Variants in ARL13B observed in about 807,000 individuals in gnomAD.
The protein encoded by ARL13B is ADP-ribosylation factor-like protein 13B.
Under a neutral mutation model 56.1 loss-of-function variants are expected in ARL13B, and 36 were observed. The ratio of observed to expected loss-of-function variants is 0.64; its 90% confidence interval spans 0.49 to 0.85. ARL13B has a LOEUF of 0.85. Among genes scored for constraint, ARL13B ranks in the 40% least tolerant of loss-of-function variants. The pLI is 0.00. For missense variants in ARL13B, 519 were observed against 507.1 expected (o/e 1.02, Z -0.23); for synonymous variants, 178 against 171.1 (o/e 1.04, Z -0.32).
At chr3:94,004,746 C>T (rs2076105808) in intron 3 of ARL13B, among the ~76,000 whole-genome samples, 1 of 151,540 alleles carries the variant, frequency 6.6e-6, no homozygotes, top group African/African-American at 2.4e-5. Flanking sequence ...GCTCTGATTG[C>T]AAAAGTTAAA....
At chr3:94,015,210 GTC>G in intron 3 of ARL13B, 1 of 1,597,046 alleles carries the variant, frequency 6.3e-7, no homozygotes, top group Non-Finnish European at 8.5e-7. Context: ...ATACATGACT[GTC>G]TCTAGAGAGT....
chr3:94,016,178 T>A (rs945948169), intron 3 of ARL13B, among the ~76,000 whole-genome samples: 1 of 152,150 alleles, frequency 6.6e-6, no homozygotes, highest in African/African-American at 2.4e-5. Flanking sequence ...AGTAAAATGC[T>A]ATTATCACAG....
Position 94,043,231 on chromosome 3 carries a change from T to A in ARL13B, c.1015T>A (p.Leu339Met). 6.2e-7 allele frequency: 1 copy of A among 1,612,614 alleles called. No individual in the cohort carries two copies. Among genetic ancestry groups the A allele is most frequent in the South Asian group, 1.1e-5 (1 of 90,912 alleles). Residue 339 changes from leucine (L) to methionine (M), a missense_variant, in exon 7 of 10, where the codon TTG (leucine) becomes ATG (methionine). By Grantham distance (15) the Leu-to-Met change is conservative (BLOSUM62 2). Transcript: ENST00000394222. ...KNEDETDRPS[L>M]ESANGKKKTK... ...TGAAGATGAGACAGACCGGCCATCA[T>A]TGGAATCAGGTAATAAATCTAGTTA...
At chr3:93,998,813 T>G (rs2076007229) in intron 2 of ARL13B, among the ~76,000 whole-genome samples, 1 of 152,162 alleles carries the variant, frequency 6.6e-6, no homozygotes, top group South Asian at 2.1e-4. Context: ...GGCATTTTGC[T>G]TATTTTGGTG....
chr3:94,021,154 TTG>T (rs1167260273), intron 3 of ARL13B, among the ~76,000 whole-genome samples: 1 of 150,436 alleles, frequency 6.6e-6, no homozygotes, highest in Non-Finnish European at 1.5e-5. Flanking sequence ...TGTTAAAAAG[TTG>T]TTTTTGTCTT....
At chr3:93,993,457 G>A (rs1359583162) in intron 1 of ARL13B, among the ~76,000 whole-genome samples, 2 of 152,124 alleles carry the variant, frequency 1.3e-5, no homozygotes, top group Admixed American at 1.3e-4. Context: ...GTCTTACTGT[G>A]TTGCCCAGGC....
At chr3:94,000,773 T>C (rs562607231) in intron 2 of ARL13B, among the ~76,000 whole-genome samples, 4 of 152,276 alleles carry the variant, frequency 2.6e-5, no homozygotes, top group African/African-American at 7.2e-5. Context: ...TTATTGATTG[T>C]ATATTTGCAT....
chr3:93,980,218 T>A lies in ARL13B; in HGVS notation c.-206T>A. Reference sequence around the variant, plus strand: ...GTATCTGCGTCTTTGGTCAGGTTGTTCCTTGGCTAAGAGGGCAGTCGTCGC... The same window carrying A: ...GTATCTGCGTCTTTGGTCAGGTTGTACCTTGGCTAAGAGGGCAGTCGTCGC... On this transcript the variant is annotated 5_prime_UTR_variant, in exon 1 of 10. Coordinates refer to ENST00000394222, the MANE Select transcript of ARL13B (RefSeq NM_001174150.2). 1 of 714,992 alleles carries A rather than the reference T, an allele frequency of 1.4e-6. No homozygotes were observed. The highest frequency in any genetic ancestry group is 2.5e-6 in the Non-Finnish European group (1 of 398,766). 44.3% of individuals were successfully genotyped at this position (714,992 alleles called of 1,614,324 possible). A position where few individuals can be genotyped will look rare whatever the true frequency, so the allele number is the denominator to read the frequency against.
Position 94,055,220 on chromosome 3 carries a change from T to C in ARL13B, c.*1957T>C. ...TAAATGCCTATTTTGTTATATGTTA[T>C]ACTTTTATTCTTAATTCTGAATTTT... On this transcript the variant is annotated 3_prime_UTR_variant, in exon 10 of 10. Coordinates refer to ENST00000394222, the MANE Select transcript of ARL13B (RefSeq NM_001174150.2). The C allele has an allele frequency of 2.4e-6, 1 of 411,700 alleles. No homozygotes were observed. Among genetic ancestry groups the C allele is most frequent in the Non-Finnish European group, 4.7e-6 (1 of 212,352 alleles). The allele number at this position is 411,700 out of a possible 1,614,324, so 25.5% of individuals were successfully genotyped here.
At chr3:94,028,816 T>C (rs1052062267) in intron 3 of ARL13B, among the ~76,000 whole-genome samples, 15 of 152,180 alleles carry the variant, frequency 9.9e-5, no homozygotes, top group African/African-American at 3.4e-4. Flanking sequence ...GGTTACTTTC[T>C]TTTCTATAGA....
chr3:93,992,140 A>G (rs1317705270), intron 1 of ARL13B, among the ~76,000 whole-genome samples: 2 of 152,180 alleles, frequency 1.3e-5, no homozygotes, highest in Admixed American at 1.3e-4. Flanking sequence ...GGCTTTAGGA[A>G]CAGTGTTTCA....
intron 3 of ARL13B, chr3:94,015,018 C>T (rs772437429): frequency 8.1e-6 from 13 of 1,613,992 alleles, no homozygotes; most frequent in African/African-American, 1.3e-5. Context: ...GTAGACTAAA[C>T]CTTCTCATTG....
At chr3:93,996,737 A>G in intron 2 of ARL13B, 1 of 240,656 alleles carries the variant, frequency 4.2e-6, no homozygotes, top group Non-Finnish European at 9.4e-6. Context: ...TATGCTAGTG[A>G]CTTTGTTGGG....
intron 7 of ARL13B, among the ~76,000 whole-genome samples, chr3:94,045,960 A>G (rs1245478052): frequency 2.1e-5 from 3 of 146,192 alleles, no homozygotes; most frequent in Admixed American, 6.9e-5. Context: ...CAAAAAAAAA[A>G]AAAAAAAGAA....
intron 3 of ARL13B, among the ~76,000 whole-genome samples, chr3:94,017,575 T>C (rs1306921226): frequency 6.6e-6 from 1 of 152,022 alleles, no homozygotes; most frequent in African/African-American, 2.4e-5. Context: ...GTCTTATATG[T>C]ATATAAGTTT....
chr3:94,037,031 T>G (rs2076781347), intron 5 of ARL13B, among the ~76,000 whole-genome samples: 1 of 152,152 alleles, frequency 6.6e-6, no homozygotes. Flanking sequence ...GGTACCTTAG[T>G]GCAGTGGTTC....
rs1488775869 is a variant in ARL13B at position 94,029,353 on chromosome 3, T to TTA, written c.381-5977_381-5976insAT. On this transcript the variant is annotated intron_variant, in intron 3 of 9. Transcript: ENST00000394222. ...ATATATATTTATTTTTTTTTTATTTTTTTTTTTTTTTGAGAAGGAGTCTTG... is the reference window on the plus strand; with the variant it reads ...ATATATATTTATTTTTTTTTTATTTTTATTTTTTTTTTTGAGAAGGAGTCTTG... Among the ~76,000 whole-genome samples, 142 of 115,952 alleles carry TTA rather than the reference T, an allele frequency of 1.2e-3. 9 individuals carry two copies. The highest frequency in any genetic ancestry group is 2.8e-3 in the Admixed American group (33 of 11,974). The allele number at this position is 115,952 out of a possible 152,430, so 76.1% of individuals were successfully genotyped here.
intron 3 of ARL13B, among the ~76,000 whole-genome samples, chr3:94,004,200 C>T (rs1271694120): frequency 6.6e-6 from 1 of 152,054 alleles, no homozygotes; most frequent in Non-Finnish European, 1.5e-5. Context: ...TTGAAATACT[C>T]CATTAACAAG....
At chr3:94,014,821 A>G (rs765373320) in intron 3 of ARL13B, 3 of 1,614,094 alleles carry the variant, frequency 1.9e-6, no homozygotes, top group East Asian at 2.2e-5. Context: ...GTCATTGTAT[A>G]TAAACATGAT....
Sources: gnomAD v4.1 joint callset for allele counts (sites outside exome capture counted in the v4.1 genomes callset) on GRCh38, gnomAD v4.1.1 for gene constraint, MANE v1.5 for transcripts, NCBI Gene and HGNC (gene_info 2026-07-23, HGNC 2026-07-21) for gene names.